The following ADAM19 variants were observed in gnomAD, a reference collection of about 807,000 sequenced individuals.
ADAM19 encodes the protein ADAM metallopeptidase domain 19, also known as disintegrin and metalloproteinase domain-containing protein 19.
ADAM19 carries 65 observed loss-of-function variants against 114.7 expected under a neutral mutation model. That is an observed-to-expected ratio of 0.57 (90% CI 0.46 to 0.70). ADAM19 has a LOEUF of 0.70. ADAM19 is among the 30% of genes least tolerant of loss of function. The probability of loss-of-function intolerance (pLI) is 0.00; values close to 1 mark genes in which losing one functional copy is unlikely to be tolerated. For synonymous variants in ADAM19, 466 were observed against 460.5 expected, an observed-to-expected ratio of 1.01 and a Z score of -0.15; for missense variants, 1,063 against 1,204.7, an observed-to-expected ratio of 0.88 and a Z score of 1.74.
intron 3 of ADAM19, among the ~76,000 whole-genome samples, chr5:157,539,427 G>A (rs1050963278): frequency 2.0e-5 from 3 of 152,280 alleles, no homozygotes; most frequent in African/African-American, 4.8e-5. Context: ...CAGCAAGAGA[G>A]GGTCATCGCA....
chr5:157,490,851 CA>C (rs1755128838), intron 18 of ADAM19, among the ~76,000 whole-genome samples: 1 of 147,484 alleles, frequency 6.8e-6, no homozygotes, highest in Non-Finnish European at 1.5e-5. Context: ...GAGATCACAC[CA>C]CTGCACTCCA....
intron 18 of ADAM19, 145 bp downstream of exon 18, chr5:157,491,470 T>C: frequency 1.7e-6 from 1 of 592,522 alleles, no homozygotes; most frequent in South Asian, 2.9e-5. Context: ...CTCCTCTCTC[T>C]TGGTCTGTCT....
At chr5:157,484,311 T>C (rs1441965634) in intron 21 of ADAM19, among the ~76,000 whole-genome samples, 1 of 152,224 alleles carries the variant, frequency 6.6e-6, no homozygotes, top group Admixed American at 6.5e-5. Context: ...GGAAGCAGTG[T>C]GGGGTCCGTA....
At chr5:157,540,960 A>G (rs1470610196) in intron 3 of ADAM19, among the ~76,000 whole-genome samples, 1 of 152,226 alleles carries the variant, frequency 6.6e-6, no homozygotes, top group Non-Finnish European at 1.5e-5. Flanking sequence ...AAACTAGTTA[A>G]AAATGCAAAT....
At chr5:157,493,846 C>G (rs1302113621) in intron 15 of ADAM19, among the ~76,000 whole-genome samples, 1 of 152,204 alleles carries the variant, frequency 6.6e-6, no homozygotes, top group Non-Finnish European at 1.5e-5. Flanking sequence ...CTGTATCAAA[C>G]TGTTCTCAGT....
intron 10 of ADAM19, 103 bp downstream of exon 10, chr5:157,506,953 C>A: frequency 9.5e-7 from 1 of 1,052,976 alleles, no homozygotes; most frequent in Non-Finnish European, 1.4e-6. Context: ...AAAGCTTTTT[C>A]TGCTACAATA....
At chr5:157,502,320 C>T (rs1332191033) in intron 12 of ADAM19, among the ~76,000 whole-genome samples, 2 of 152,178 alleles carry the variant, frequency 1.3e-5, no homozygotes, top group Non-Finnish European at 2.9e-5. Context: ...TAAACAGTTC[C>T]TCCTAGCAGC....
chr5:157,494,212 G>A (rs1448167285), intron 15 of ADAM19, among the ~76,000 whole-genome samples: 1 of 151,624 alleles, frequency 6.6e-6, no homozygotes, highest in African/African-American at 2.4e-5. Flanking sequence ...GGGTGGTGGA[G>A]GATGGATAGA....
chr5:157,542,974 TA>T (rs1390669830), intron 3 of ADAM19, among the ~76,000 whole-genome samples: 1 of 152,208 alleles, frequency 6.6e-6, no homozygotes, highest in Admixed American at 6.5e-5. Context: ...TGTTAACTTG[TA>T]AAAACTTAAT....
intron 6 of ADAM19, among the ~76,000 whole-genome samples, chr5:157,519,476 G>T (rs1462754052): frequency 6.6e-6 from 1 of 152,080 alleles, no homozygotes; most frequent in African/African-American, 2.4e-5. Flanking sequence ...GTAGAGATGG[G>T]GTTTCGCCAT....
At chr5:157,523,707 A>G (rs1463541696) in intron 5 of ADAM19, among the ~76,000 whole-genome samples, 1 of 152,166 alleles carries the variant, frequency 6.6e-6, no homozygotes, top group Admixed American at 6.5e-5. Context: ...TCTTTTCTTT[A>G]TAAATTACCC....
Position 157,555,960 on chromosome 5 carries a change from A to G in ADAM19, c.251+8413T>C, listed in dbSNP as rs560387149. ...AATCTCCTTCTGCCTCCCTCTTATAAATATATTTGCCATTGTATTTAGGGC... is the reference window on the plus strand; with the variant it reads ...AATCTCCTTCTGCCTCCCTCTTATAGATATATTTGCCATTGTATTTAGGGC... On this transcript the variant is annotated intron_variant, in intron 3 of 22. Transcript: ENST00000257527. Among the ~76,000 whole-genome samples the G allele has an allele frequency of 2.6e-5, 4 of 152,144 alleles. No individual in the cohort carries two copies. The South Asian group carries it at 8.3e-4, about 32-fold the overall frequency.
At chr5:157,554,546 A>G (rs1757312116) in intron 3 of ADAM19, among the ~76,000 whole-genome samples, 2 of 152,214 alleles carry the variant, frequency 1.3e-5, no homozygotes, top group African/African-American at 4.8e-5. Flanking sequence ...TTTTCGAGAT[A>G]CAATTAGGTC....
rs982021948 is a variant in ADAM19, at chr5:157,513,492, C to T, written c.680G>A (p.Arg227Gln). 1.1e-5 allele frequency: 17 copies of T among 1,613,878 alleles called. No homozygotes were observed. The highest frequency in any genetic ancestry group is 2.2e-5 in the East Asian group (1 of 44,894). The stretch of plus-strand genomic sequence containing the variant: ...GTGTTTGGTGGCGTCCTGGTCTCGT[C>T]GATTCTTCTGAAACTAAATGGGACA... ...VADYLEFQKN[R>Q]RDQDATKHKL... Residue 227 changes from arginine (R) to glutamine (Q), a missense_variant, in exon 8 of 23, where the codon CGA (arginine) becomes CAA (glutamine). Transcript: ENST00000257527.
chr5:157,536,861 C>T (rs1336556478), intron 4 of ADAM19, among the ~76,000 whole-genome samples: 1 of 152,234 alleles, frequency 6.6e-6, no homozygotes, highest in African/African-American at 2.4e-5. Context: ...CTCCACACCA[C>T]AACTCCCAGT....
intron 3 of ADAM19, among the ~76,000 whole-genome samples, chr5:157,559,330 A>C (rs1757452951): frequency 6.6e-6 from 1 of 152,214 alleles, no homozygotes; most frequent in Non-Finnish European, 1.5e-5. Flanking sequence ...TGAAGAAATG[A>C]GAGTCCTAGA....
Position 157,492,043 on chromosome 5 carries a change from G to A in ADAM19, c.1909-131C>T, listed in dbSNP as rs188838849. The A allele has an allele frequency of 2.3e-5, 18 of 782,172 alleles. No homozygotes were observed. The African/African-American group carries it at 2.6e-4, about 11-fold the overall frequency. 48.5% of individuals were successfully genotyped at this position (782,172 alleles called of 1,614,324 possible). ...CTGGTGGCTCACGCCTGTAATCCCA[G>A]CACTTTGGGAGGCTGAGGTGGGCGG... On this transcript the variant is annotated intron_variant, in intron 16 of 22. Transcript: ENST00000257527.
Position 157,478,979 on chromosome 5 carries a change from T to C in ADAM19, c.*1970A>G. 2.0e-6 allele frequency: 2 copies of C among 985,566 alleles called. No homozygotes were observed. Among genetic ancestry groups the C allele is most frequent in the East Asian group, 2.3e-4 (2 of 8,804 alleles). 61.1% of individuals were successfully genotyped at this position (985,566 alleles called of 1,614,324 possible). On this transcript the variant is annotated 3_prime_UTR_variant, in exon 23 of 23. Transcript: ENST00000257527. The stretch of plus-strand genomic sequence containing the variant: ...GGGGTTGGGTTTTGAGGATGTTGCT[T>C]GTTTGTTTTGCAGAGGGGTGAAAGG...
intron 3 of ADAM19, among the ~76,000 whole-genome samples, chr5:157,543,635 T>C (rs577102620): frequency 6.6e-6 from 1 of 152,338 alleles, no homozygotes; most frequent in East Asian, 1.9e-4. Flanking sequence ...TGGCAAAATC[T>C]TGATCATTGT....
Sources: gnomAD v4.1 joint callset for allele counts (sites outside exome capture counted in the v4.1 genomes callset) on GRCh38, gnomAD v4.1.1 for gene constraint, MANE v1.5 for transcripts, NCBI Gene and HGNC (gene_info 2026-07-23, HGNC 2026-07-21) for gene names.